PLEKHM3: variants seen among roughly 807,000 people sequenced by gnomAD.
PLEKHM3 encodes the protein pleckstrin homology domain-containing family M member 3.
Under a neutral mutation model 81.8 loss-of-function variants are expected in PLEKHM3, and 45 were observed. That is an observed-to-expected ratio of 0.55 (90% CI 0.43 to 0.71). PLEKHM3 has a LOEUF of 0.71. PLEKHM3 is among the 30% of genes least tolerant of loss of function. The pLI, the probability that PLEKHM3 is intolerant of heterozygous loss-of-function variation, is 0.00. For missense variants in PLEKHM3, 788 were observed against 924.3 expected, an observed-to-expected ratio of 0.85 and a Z score of 1.91; for synonymous variants, 352 against 356.4, an observed-to-expected ratio of 0.99 and a Z score of 0.14.
chr2:207,842,180 T>C (rs1281289961), intron 7 of PLEKHM3, among the ~76,000 whole-genome samples: 2 of 152,200 alleles, frequency 1.3e-5, no homozygotes, highest in Non-Finnish European at 2.9e-5. Context: ...GTGATCCGCC[T>C]GCCTCTGCCT....
chr2:208,020,115 G>A (rs1047201388), intron 1 of PLEKHM3, among the ~76,000 whole-genome samples: 11 of 152,216 alleles, frequency 7.2e-5, no homozygotes, highest in Non-Finnish European at 1.6e-4. Flanking sequence ...AGAACACAAG[G>A]TGAAGTGGAT....
At chr2:207,977,818 G>A (rs1229546070) in intron 2 of PLEKHM3, among the ~76,000 whole-genome samples, 1 of 152,176 alleles carries the variant, frequency 6.6e-6, no homozygotes, top group African/African-American at 2.4e-5. Flanking sequence ...GGGTGCGGTG[G>A]CACACACTTC....
At chr2:207,897,292 G>T (rs1372651878) in intron 6 of PLEKHM3, among the ~76,000 whole-genome samples, 1 of 152,156 alleles carries the variant, frequency 6.6e-6, no homozygotes, top group Non-Finnish European at 1.5e-5. Flanking sequence ...AATGGTTGTG[G>T]TTTAGTGTCC....
chr2:207,925,431 A>T (rs1689361054), intron 5 of PLEKHM3, among the ~76,000 whole-genome samples: 1 of 151,760 alleles, frequency 6.6e-6, no homozygotes, highest in Non-Finnish European at 1.5e-5. Flanking sequence ...CTGAATTATG[A>T]TCTGCTTAAA....
At chr2:208,018,312 G>T (rs1295335300) in intron 1 of PLEKHM3, among the ~76,000 whole-genome samples, 2 of 148,016 alleles carry the variant, frequency 1.4e-5, no homozygotes, top group East Asian at 3.9e-4. Context: ...GGCGGAAGTT[G>T]CAGTGAGCCA....
intron 5 of PLEKHM3, among the ~76,000 whole-genome samples, chr2:207,923,459 T>C (rs1689253974): frequency 6.6e-6 from 1 of 151,458 alleles, no homozygotes; most frequent in South Asian, 2.1e-4. Context: ...AACACAAAAT[T>C]AGCTGGGCAT....
chr2:207,952,942 T>C (rs1444021790), intron 3 of PLEKHM3, among the ~76,000 whole-genome samples: 1 of 152,260 alleles, frequency 6.6e-6, no homozygotes, highest in Admixed American at 6.5e-5. Context: ...TTATTCTGTC[T>C]TTGGGACAAG....
chr2:207,910,902 A>T (rs1172205995), intron 5 of PLEKHM3, among the ~76,000 whole-genome samples: 1 of 152,162 alleles, frequency 6.6e-6, no homozygotes, highest in East Asian at 1.9e-4. Context: ...AATTGAGAAC[A>T]TTGGGAATAA....
At chr2:207,927,221 C>T (rs188392487) in intron 5 of PLEKHM3, among the ~76,000 whole-genome samples, 2 of 152,150 alleles carry the variant, frequency 1.3e-5, no homozygotes, top group African/African-American at 4.8e-5. Flanking sequence ...GATGTCGTAT[C>T]CTCAGGTAAA....
In PLEKHM3 at chr2:207,976,388, G is replaced by C. The variant is rs1040225642; in HGVS notation, c.1546+263C>G. ...TAAATTCTAGTCTGGTTAAGCTTTA[G>C]CCAAATCATTTTGATTCAACAGGAT... On this transcript the variant is annotated intron_variant, in intron 3 of 7. Transcript: ENST00000427836. This position sits in a 1 kb window ranked among gnomAD's most constrained non-coding sequence, Gnocchi z 4.1. Among the ~76,000 whole-genome samples, 3 of 152,214 alleles carry C rather than the reference G, an allele frequency of 2.0e-5. No homozygotes were observed. The highest frequency in any genetic ancestry group is 7.2e-5 in the African/African-American group (3 of 41,462).
intron 5 of PLEKHM3, among the ~76,000 whole-genome samples, chr2:207,909,357 A>T (rs141609415): frequency 6.6e-6 from 1 of 152,344 alleles, no homozygotes; most frequent in Non-Finnish European, 1.5e-5. Flanking sequence ...AACTAAACCC[A>T]AAACAAAATC....
chr2:207,861,368 C>A, intron 6 of PLEKHM3, 106 bp from the exon 7 acceptor site: 6 of 1,238,620 alleles, frequency 4.8e-6, no homozygotes, highest in Non-Finnish European at 6.6e-6. Flanking sequence ...AGGAAAACCT[C>A]TAATTATAAT....
intron 1 of PLEKHM3, among the ~76,000 whole-genome samples, chr2:208,013,735 G>A (rs1692780414): frequency 6.6e-6 from 1 of 152,164 alleles, no homozygotes; most frequent in African/African-American, 2.4e-5. Context: ...TGGTGAGGAT[G>A]TCATGGGAAA....
chr2:207,928,285 T>C (rs1689473516), intron 5 of PLEKHM3, among the ~76,000 whole-genome samples: 3 of 152,238 alleles, frequency 2.0e-5, no homozygotes, highest in African/African-American at 7.2e-5. Context: ...AAGCAAGCAC[T>C]GTATAAGCAG....
Position 207,977,513 on chromosome 2 carries a change from C to T in PLEKHM3, c.684G>A (p.Trp228Ter). 1.2e-6 allele frequency: 2 copies of T among 1,614,098 alleles called. No homozygotes were observed. Among genetic ancestry groups the T allele is most frequent in the Non-Finnish European group, 1.7e-6 (2 of 1,179,966 alleles). ...LEIRKDHDSY[W>*]QSCYAELSPY... ...GTGAAAGTTCTGCATAACAGCTTTG[C>T]CAGTAACTGTCATGGTCCTTTCTAA... Residue 228 changes from tryptophan (W) to a stop codon, truncating the protein, a stop_gained, in exon 3 of 8, where the codon TGG (tryptophan) becomes TGA (stop). Coordinates refer to ENST00000427836, the MANE Select transcript of PLEKHM3 (RefSeq NM_001080475.3). LOFTEE classifies it high-confidence loss of function.
At chr2:207,952,501 G>A (rs1336817156) in intron 3 of PLEKHM3, among the ~76,000 whole-genome samples, 4 of 152,184 alleles carry the variant, frequency 2.6e-5, no homozygotes, top group Non-Finnish European at 4.4e-5. Flanking sequence ...AGCTTTCCTA[G>A]CTTATAGTCT....
chr2:207,878,930 C>T (rs1441767950), intron 6 of PLEKHM3, among the ~76,000 whole-genome samples: 4 of 152,144 alleles, frequency 2.6e-5, no homozygotes, highest in Admixed American at 2.6e-4. Context: ...CCTATAAAGT[C>T]TTCCCTAAGC....
intron 3 of PLEKHM3, among the ~76,000 whole-genome samples, chr2:207,974,081 C>A (rs142863854): frequency 4.6e-5 from 7 of 152,274 alleles, no homozygotes; most frequent in African/African-American, 1.7e-4. Flanking sequence ...CCCAACCTAT[C>A]CTCCACAAGC....
chr2:207,948,333 T>G (rs1202645632), intron 3 of PLEKHM3, among the ~76,000 whole-genome samples: 1 of 145,512 alleles, frequency 6.9e-6, no homozygotes, highest in African/African-American at 2.5e-5. Flanking sequence ...AGGACCACAC[T>G]AGAAACTCCT....
Sources: gnomAD v4.1 joint callset for allele counts (sites outside exome capture counted in the v4.1 genomes callset) on GRCh38, gnomAD v4.1.1 for gene constraint, Gnocchi (gnomAD v3.1) non-coding constraint, MANE v1.5 for transcripts, NCBI Gene and HGNC (gene_info 2026-07-23, HGNC 2026-07-21) for gene names.